The following PTPRN2 variants were observed in gnomAD, a reference collection of about 807,000 sequenced individuals.
PTPRN2 encodes protein tyrosine phosphatase receptor type N2.
Under a neutral mutation model 118.8 loss-of-function variants are expected in PTPRN2, and 74 were observed. The observed-to-expected ratio is 0.62, with a 90% CI of 0.52 to 0.76. PTPRN2 has a LOEUF of 0.76. Among genes scored for constraint, PTPRN2 ranks in the 30% least tolerant of loss-of-function variants. The pLI, the probability that PTPRN2 is intolerant of heterozygous loss-of-function variation, is 0.00. For missense variants in PTPRN2, 1,481 were observed against 1,394.4 expected (o/e 1.06, Z -0.99); for synonymous variants, 641 against 608.0 (o/e 1.05, Z -0.80).
chr7:158,512,646 C>T (rs1047495728), intron 1 of PTPRN2, among the ~76,000 whole-genome samples: 9 of 152,272 alleles, frequency 5.9e-5, no homozygotes, highest in South Asian at 2.1e-4. Context: ...GCACACACCA[C>T]GCCCAGCACT....
At chr7:158,271,114 A>AACCTGGG (rs1798487331) in intron 3 of PTPRN2, among the ~76,000 whole-genome samples, 1 of 135,580 alleles carries the variant, frequency 7.4e-6, no homozygotes, top group Non-Finnish European at 1.6e-5. Context: ...CTCCACCTGG[A>AACCTGGG]CCACCCCCTC....
intron 3 of PTPRN2, among the ~76,000 whole-genome samples, chr7:158,237,936 G>A (rs62479639): frequency 0.02 from 3,109 of 152,242 alleles, 38 homozygotes; most frequent in Middle Eastern, 0.037. Context: ...CCGCAGCCCG[G>A]CGGCTGCCAT....
intron 2 of PTPRN2, among the ~76,000 whole-genome samples, chr7:158,337,276 C>T (rs1197075298): frequency 5.1e-3 from 752 of 146,426 alleles, no homozygotes; most frequent in African/African-American, 0.019. Context: ...GTCACTCAAA[C>T]TCACACTCTC....
chr7:158,285,461 C>T (rs540019829), intron 3 of PTPRN2, among the ~76,000 whole-genome samples: 1 of 152,204 alleles, frequency 6.6e-6, no homozygotes, highest in Non-Finnish European at 1.5e-5. Context: ...CCAGCACAAG[C>T]AGAGCTGAGC....
At chr7:158,205,150 A>G (rs182363432) in intron 4 of PTPRN2, 21 bp downstream of exon 4, 7 of 1,586,984 alleles carry the variant, frequency 4.4e-6, no homozygotes, top group Non-Finnish European at 5.2e-6. Context: ...GCAAGGAGCA[A>G]CAAGCCACGT....
intron 3 of PTPRN2, among the ~76,000 whole-genome samples, chr7:158,212,516 G>A (rs1218382501): frequency 6.6e-6 from 1 of 151,982 alleles, no homozygotes; most frequent in Non-Finnish European, 1.5e-5. Context: ...ATACACCTGT[G>A]TACCCACAAA....
At chr7:158,365,506 C>T (rs1037233145) in intron 2 of PTPRN2, among the ~76,000 whole-genome samples, 32 of 152,216 alleles carry the variant, frequency 2.1e-4, no homozygotes, top group African/African-American at 7.5e-4. Context: ...GAAACACGTT[C>T]GCTCCCATTG....
At chr7:158,198,181 C>T (rs1017897746) in intron 4 of PTPRN2, among the ~76,000 whole-genome samples, 3 of 152,118 alleles carry the variant, frequency 2.0e-5, no homozygotes, top group Non-Finnish European at 4.4e-5. Flanking sequence ...TTTAAATTGT[C>T]GTATTCATCT....
intron 11 of PTPRN2, among the ~76,000 whole-genome samples, chr7:157,926,884 T>C (rs1407539757): frequency 1.3e-5 from 2 of 152,176 alleles, no homozygotes; most frequent in Non-Finnish European, 2.9e-5. Flanking sequence ...ACCGGCTCAC[T>C]GTCTGCAAGC....
intron 2 of PTPRN2, among the ~76,000 whole-genome samples, chr7:158,488,718 C>T (rs1821210113): frequency 6.6e-6 from 1 of 152,230 alleles, no homozygotes; most frequent in African/African-American, 2.4e-5. Context: ...TTAGTGGGTG[C>T]GAGGGGCCTC....
intron 11 of PTPRN2, among the ~76,000 whole-genome samples, chr7:157,905,530 TGAA>T (rs1349538233): frequency 1.3e-5 from 2 of 152,236 alleles, no homozygotes; most frequent in Non-Finnish European, 2.9e-5. Context: ...GCAAATTACC[TGAA>T]GAAGCGGAAC....
At position 157,780,399 on chromosome 7, in the gene PTPRN2, C is replaced by G. The variant is rs73165848; in HGVS notation, c.1789-97462G>C. 9.5e-3 allele frequency among the ~76,000 whole-genome samples: 1,450 copies of G among 152,266 alleles called. 14 individuals carry two copies. Among genetic ancestry groups the G allele is most frequent in the Non-Finnish European group, 0.013 (897 of 68,012 alleles). On this transcript the variant is annotated intron_variant, in intron 12 of 22. Transcript: ENST00000389418. This position sits in a 1 kb window ranked among gnomAD's most constrained non-coding sequence, Gnocchi z 4.5. ...TATATAAGGGGTGGCGGCTGCTCAG[C>G]GAGGCCTCAGGAGTGTGAAGGAGGC... is the stretch of plus-strand genomic sequence containing the variant.
At chr7:157,695,844 C>T (rs1266577294) in intron 12 of PTPRN2, among the ~76,000 whole-genome samples, 4 of 152,202 alleles carry the variant, frequency 2.6e-5, no homozygotes, top group African/African-American at 9.6e-5. Context: ...CACCGTCTAC[C>T]CGTGCATACT....
At chr7:158,128,435 G>C (rs897321344) in intron 9 of PTPRN2, among the ~76,000 whole-genome samples, 2 of 152,072 alleles carry the variant, frequency 1.3e-5, no homozygotes, top group Non-Finnish European at 2.9e-5. Flanking sequence ...TTAACCCACT[G>C]CTCATAGGAG....
At chr7:158,299,214 G>T (rs996281233) in intron 3 of PTPRN2, among the ~76,000 whole-genome samples, 1 of 152,078 alleles carries the variant, frequency 6.6e-6, no homozygotes, top group Non-Finnish European at 1.5e-5. Context: ...TGAATAGCTT[G>T]CAGACCTGGG....
chr7:157,685,002 G>A (rs1422510625), intron 12 of PTPRN2, among the ~76,000 whole-genome samples: 4 of 151,900 alleles, frequency 2.6e-5, no homozygotes, highest in African/African-American at 9.7e-5. Context: ...ATGTTCGCCT[G>A]CGGGGCCGCG....
intron 5 of PTPRN2, among the ~76,000 whole-genome samples, chr7:158,168,972 C>T (rs58266447): frequency 8.5e-5 from 13 of 152,182 alleles, no homozygotes; most frequent in Admixed American, 2.0e-4. Context: ...TCCCTGGAGG[C>T]GTGCATGGGT....
chr7:157,926,169 CTGA>C (rs1261815332), intron 11 of PTPRN2, among the ~76,000 whole-genome samples: 34 of 150,748 alleles, frequency 2.3e-4, no homozygotes, highest in East Asian at 9.8e-4. Context: ...TATCTGTCCA[CTGA>C]TAAACCACAG....
chr7:157,767,394 A>G (rs553550254), intron 12 of PTPRN2, among the ~76,000 whole-genome samples: 1 of 152,322 alleles, frequency 6.6e-6, no homozygotes, highest in South Asian at 2.1e-4. Flanking sequence ...TGTTCTTAGG[A>G]TAACCCAATC....
Sources: gnomAD v4.1 joint callset for allele counts (sites outside exome capture counted in the v4.1 genomes callset) on GRCh38, gnomAD v4.1.1 for gene constraint, Gnocchi (gnomAD v3.1) non-coding constraint, MANE v1.5 for transcripts, NCBI Gene and HGNC (gene_info 2026-07-23, HGNC 2026-07-21) for gene names.